DAB1: variants seen among roughly 807,000 people sequenced by gnomAD.
DAB1 encodes the protein DAB adaptor protein 1, also known as disabled homolog 1.
Under a neutral mutation model 64.6 loss-of-function variants are expected in DAB1, and 15 were observed. The ratio of observed to expected loss-of-function variants is 0.23; its 90% CI spans 0.16 to 0.36. DAB1 has a LOEUF of 0.36. Among genes scored for constraint, DAB1 ranks in the 10% least tolerant of loss-of-function variants. The pLI is 1.00. For synonymous variants in DAB1, 235 were observed against 251.9 expected (o/e 0.93, Z 0.64); for missense variants, 596 against 706.7 (o/e 0.84, Z 1.78).
chr1:57,785,778 C>T (rs1557479937), intron 6 of DAB1, among the ~76,000 whole-genome samples: 1 of 152,124 alleles, frequency 6.6e-6, no homozygotes, highest in Non-Finnish European at 1.5e-5. Context: ...ATGCTGTGAA[C>T]ATTGTTGAAA....
intron 5 of DAB1, among the ~76,000 whole-genome samples, chr1:58,004,082 G>C (rs1646545268): frequency 6.6e-6 from 1 of 152,186 alleles, no homozygotes; most frequent in Non-Finnish European, 1.5e-5. Flanking sequence ...TACAGAATCA[G>C]AACCAAGGAG....
Position 57,654,563 on chromosome 1 carries a change from T to C in DAB1, n.552-4898A>G, listed in dbSNP as rs528620692. ...ACCAACTCTTATGTGGGTATATATG[T>C]TGAAAATATTTTTCCTATGTGAACA... On this transcript the variant is annotated intron_variant and non_coding_transcript_variant, in intron 6 of 20. Transcript: ENST00000485760. 2.0e-5 allele frequency among the ~76,000 whole-genome samples: 3 copies of C among 152,366 alleles called. No homozygotes were observed. In the East Asian group the frequency reaches 5.8e-4, roughly 29 times the overall value.
chr1:57,391,207 T>G (rs1002571411), intron 1 of DAB1, among the ~76,000 whole-genome samples: 1 of 152,156 alleles, frequency 6.6e-6, no homozygotes, highest in African/African-American at 2.4e-5. Context: ...CCCAGTAGTA[T>G]GCTTGGTGCT....
At chr1:58,533,014 T>C (rs1451461294) in intron 1 of DAB1, among the ~76,000 whole-genome samples, 2 of 152,246 alleles carry the variant, frequency 1.3e-5, no homozygotes, top group Non-Finnish European at 2.9e-5. Context: ...GTTACTTGTA[T>C]TTCTGATTTA....
intron 4 of DAB1, among the ~76,000 whole-genome samples, chr1:58,204,363 C>T (rs1258220120): frequency 1.3e-5 from 2 of 152,180 alleles, no homozygotes; most frequent in Non-Finnish European, 2.9e-5. Flanking sequence ...CGCAAATATG[C>T]ATCTATGCCC....
chr1:57,346,940 A>C (rs555643963), intron 1 of DAB1, among the ~76,000 whole-genome samples: 68 of 152,344 alleles, frequency 4.5e-4, no homozygotes, highest in Admixed American at 1.2e-3. Flanking sequence ...CTTGGATTCC[A>C]GTTGTGAACA....
chr1:57,092,505 C>T (rs1653780547), intron 4 of DAB1, among the ~76,000 whole-genome samples: 1 of 152,050 alleles, frequency 6.6e-6, no homozygotes, highest in African/African-American at 2.4e-5. Context: ...CTCTTTCCTG[C>T]CACCTTGGGA....
chr1:57,373,352 A>AT lies in DAB1; in HGVS notation c.-137+50577dup, dbSNP rs563123838. Among the ~76,000 whole-genome samples, 826 of 152,266 alleles carry AT rather than the reference A, an allele frequency of 5.4e-3. 9 individuals carry two copies. Among genetic ancestry groups the AT allele is most frequent in the African/African-American group, 0.018 (758 of 41,546 alleles). On this transcript the variant is annotated intron_variant, in intron 1 of 14. Transcript: ENST00000371236. Reference sequence around the variant, plus strand: ...ATTTTAACAACACATAACGGGGCTGATAGGCCAAGTGTTCAGTTAACAGCA... The same window carrying AT: ...ATTTTAACAACACATAACGGGGCTGATTAGGCCAAGTGTTCAGTTAACAGCA...
At chr1:57,536,795 C>G (rs1040235547) in intron 7 of DAB1, among the ~76,000 whole-genome samples, 15 of 152,294 alleles carry the variant, frequency 9.8e-5, no homozygotes, top group Non-Finnish European at 1.3e-4. Flanking sequence ...CTCCCACCCC[C>G]GCCAGCCTAT....
chr1:57,994,596 C>A (rs1446992421), intron 5 of DAB1, among the ~76,000 whole-genome samples: 2 of 152,192 alleles, frequency 1.3e-5, no homozygotes, highest in Non-Finnish European at 1.5e-5. Context: ...AGCTTTGGGG[C>A]ATGGGGAGTA....
intron 2 of DAB1, among the ~76,000 whole-genome samples, chr1:58,515,145 AT>A (rs1646140083): frequency 6.6e-6 from 1 of 152,176 alleles, no homozygotes; most frequent in Non-Finnish European, 1.5e-5. Flanking sequence ...AGCTCATTTT[AT>A]TTTGTAACCC....
chr1:57,435,607 C>T (rs1458663369), intron 7 of DAB1, among the ~76,000 whole-genome samples: 2 of 152,238 alleles, frequency 1.3e-5, no homozygotes, highest in East Asian at 1.9e-4. Flanking sequence ...CCTAGGCCTA[C>T]ACAGGGCCCA....
chr1:58,175,903 T>C (rs1277298645), intron 4 of DAB1, among the ~76,000 whole-genome samples: 1 of 152,152 alleles, frequency 6.6e-6, no homozygotes, highest in Non-Finnish European at 1.5e-5. Context: ...TGTCACACCA[T>C]AAAAAATATA....
chr1:57,061,623 C>T (rs539613210), intron 9 of DAB1, among the ~76,000 whole-genome samples: 1 of 152,196 alleles, frequency 6.6e-6, no homozygotes. Context: ...AGTTCCAGGA[C>T]TTGGCTGACA....
chr1:57,541,528 G>A (rs1436440672), intron 7 of DAB1, among the ~76,000 whole-genome samples: 1 of 152,170 alleles, frequency 6.6e-6, no homozygotes, highest in East Asian at 1.9e-4. Context: ...GAGGCTTTCT[G>A]AGACCCACAT....
intron 2 of DAB1, among the ~76,000 whole-genome samples, chr1:57,184,618 T>C (rs1663336981): frequency 1.3e-5 from 2 of 152,164 alleles, no homozygotes; most frequent in South Asian, 4.1e-4. Context: ...ACATTTCCAT[T>C]TCTCCCCACC....
chr1:57,648,866 C>T (rs1489724577), intron 7 of DAB1, among the ~76,000 whole-genome samples: 1 of 152,152 alleles, frequency 6.6e-6, no homozygotes, highest in African/African-American at 2.4e-5. Context: ...TCCTAATAGG[C>T]AGTGCTGCTA....
At chr1:58,138,479 C>T (rs537203260) in intron 5 of DAB1, among the ~76,000 whole-genome samples, 2 of 152,126 alleles carry the variant, frequency 1.3e-5, no homozygotes, top group Non-Finnish European at 2.9e-5. Flanking sequence ...GGAATACAAA[C>T]AGCTTGAGAA....
At chr1:57,022,388 T>C (rs888706179) in intron 11 of DAB1, among the ~76,000 whole-genome samples, 4 of 152,346 alleles carry the variant, frequency 2.6e-5, no homozygotes, top group Admixed American at 2.6e-4. Flanking sequence ...AAACTAGTCA[T>C]CATCACTATC....
Sources: allele counts gnomAD v4.1 joint callset (sites outside exome capture counted in the v4.1 genomes callset), GRCh38; gene constraint gnomAD v4.1.1; transcripts MANE v1.5; gene names NCBI Gene and HGNC (gene_info 2026-07-23, HGNC 2026-07-21).